The following MPP7 variants were observed in gnomAD, a reference collection of about 807,000 sequenced individuals.
MPP7 encodes MAGUK p55 subfamily member 7.
In MPP7, 60 loss-of-function variants were observed where a neutral mutation model predicts 76.5. That is an observed-to-expected ratio of 0.78 (90% confidence interval 0.64 to 0.97). The LOEUF (loss-of-function observed/expected upper bound fraction) is 0.97, where lower values mean the gene tolerates loss of function less well. MPP7 is among the 50% of genes least tolerant of loss of function. The pLI, the probability that MPP7 is intolerant of heterozygous loss-of-function variation, is 0.00. For missense variants in MPP7, 641 were observed against 694.0 expected (o/e 0.92, Z 0.86); for synonymous variants, 237 against 244.5 (o/e 0.97, Z 0.29).
chr10:28,202,431 C>T (rs1211200333), intron 2 of MPP7, among the ~76,000 whole-genome samples, 160 bp from the exon 3 acceptor site: 1 of 152,178 alleles, frequency 6.6e-6, no homozygotes, highest in African/African-American at 2.4e-5. Flanking sequence ...GGGGAATTTT[C>T]TGGCTTTTAA....
chr10:28,065,684 GA>G (rs1851964016), intron 13 of MPP7, among the ~76,000 whole-genome samples: 1 of 151,978 alleles, frequency 6.6e-6, no homozygotes, highest in Non-Finnish European at 1.5e-5. Flanking sequence ...GGGAGATACG[GA>G]AAAAAAGTTT....
rs1835195773 is a variant in MPP7, at chr10:28,131,641, C to T, written c.366G>A (p.Val122=). 1.2e-6 allele frequency: 2 copies of T among 1,605,434 alleles called. No individual in the cohort carries two copies. Among genetic ancestry groups the T allele is most frequent in the Admixed American group, 1.7e-5 (1 of 59,792 alleles). Reference sequence around the variant, plus strand: ...CAATATCTTCAGGCATAGGAGGCAACACTGGGTCGTAATTCTTCTGAGCCA... The same window carrying T: ...CAATATCTTCAGGCATAGGAGGCAATACTGGGTCGTAATTCTTCTGAGCCA... The part of the protein sequence containing the change: ...DTVAQKNYDP[V]LPPMPEDIDD... Residue 122 remains valine (V), a synonymous_variant, in exon 6 of 17, where the codon GTG becomes GTA. Coordinates refer to ENST00000683449, the MANE Select transcript of MPP7 (RefSeq NM_001318170.2).
chr10:28,089,171 C>T (rs1232266393), intron 12 of MPP7, among the ~76,000 whole-genome samples: 1 of 152,142 alleles, frequency 6.6e-6, no homozygotes, highest in East Asian at 1.9e-4. Flanking sequence ...CCCTGGCCTC[C>T]CAAAGTGCTG....
At chr10:28,265,730 T>C (rs1163293647) in intron 1 of MPP7, among the ~76,000 whole-genome samples, 2 of 152,238 alleles carry the variant, frequency 1.3e-5, no homozygotes, top group African/African-American at 4.8e-5. Flanking sequence ...TTTTTAACTT[T>C]ATCGAGTTAA....
intron 10 of MPP7, 112 bp from the exon 11 acceptor site, chr10:28,119,827 A>C (rs11006883): frequency 0.11 from 87,482 of 773,114 alleles, 8,819 homozygotes; most frequent in East Asian, 0.45. Flanking sequence ...GAAAAAAATG[A>C]ATGTAATGCA....
At chr10:28,136,572 T>C (rs192114839) in intron 5 of MPP7, among the ~76,000 whole-genome samples, 1 of 152,094 alleles carries the variant, frequency 6.6e-6, no homozygotes, top group Non-Finnish European at 1.5e-5. Context: ...ATTACACAGA[T>C]AGCAGACAAG....
chr10:28,153,571 A>G (rs1835953738), intron 3 of MPP7, among the ~76,000 whole-genome samples: 1 of 152,188 alleles, frequency 6.6e-6, no homozygotes, highest in Non-Finnish European at 1.5e-5. Flanking sequence ...ATCAGTAAAA[A>G]TAAAAATAAT....
rs188415721 is a variant in MPP7 at position 28,275,467 on chromosome 10, C to A, written c.-132+27394G>T. Among the ~76,000 whole-genome samples, 121 of 150,366 alleles carry A rather than the reference C, an allele frequency of 8.0e-4. 1 individual carries two copies. The highest frequency in any genetic ancestry group is 2.9e-3 in the African/African-American group (117 of 40,760). Reference sequence around the variant, plus strand: ...TGTCACCCAGGCTGGAGTGCAATGGCGCAATCTCCGTTCACTGCAACCTCC... The same window carrying A: ...TGTCACCCAGGCTGGAGTGCAATGGAGCAATCTCCGTTCACTGCAACCTCC... On this transcript the variant is annotated intron_variant, in intron 1 of 16. Transcript: ENST00000683449.
At chr10:28,226,185 T>C (rs1224289023) in intron 2 of MPP7, among the ~76,000 whole-genome samples, 2 of 151,698 alleles carry the variant, frequency 1.3e-5, no homozygotes, top group Non-Finnish European at 2.9e-5. Context: ...ATATCTAAAA[T>C]AGACAAATTC....
intron 12 of MPP7, among the ~76,000 whole-genome samples, chr10:28,073,657 C>T (rs1357888047): frequency 1.3e-5 from 2 of 152,050 alleles, no homozygotes; most frequent in Non-Finnish European, 2.9e-5. Context: ...GTAGTCCCAG[C>T]TACTTGGGAG....
At chr10:28,156,819 C>T (rs1276575779) in intron 3 of MPP7, among the ~76,000 whole-genome samples, 1 of 152,114 alleles carries the variant, frequency 6.6e-6, no homozygotes, top group Non-Finnish European at 1.5e-5. Context: ...CTCTAGCTGC[C>T]CTGTTCCCAA....
intron 2 of MPP7, among the ~76,000 whole-genome samples, chr10:28,208,051 C>T (rs966885608): frequency 6.6e-6 from 1 of 152,132 alleles, no homozygotes; most frequent in African/African-American, 2.4e-5. Flanking sequence ...TCAGAGAGAA[C>T]TCTAAAGAAT....
At chr10:28,081,023 A>T (rs1852736162) in intron 12 of MPP7, among the ~76,000 whole-genome samples, 1 of 152,236 alleles carries the variant, frequency 6.6e-6, no homozygotes, top group South Asian at 2.1e-4. Flanking sequence ...ACAGTCTTAT[A>T]ATAAATGCCT....
At position 28,298,707 on chromosome 10, in the gene MPP7, T is replaced by C. The variant is rs115411150; in HGVS notation, c.-132+4154A>G. Among the ~76,000 whole-genome samples the C allele has an allele frequency of 1.8e-3, 275 of 152,346 alleles. 1 individual carries two copies. Among genetic ancestry groups the C allele is most frequent in the African/African-American group, 6.4e-3 (264 of 41,570 alleles). On this transcript the variant is annotated intron_variant, in intron 1 of 16. Coordinates refer to ENST00000683449, the MANE Select transcript of MPP7 (RefSeq NM_001318170.2). ...GGTGAAGCACTGACTTCCTTCTAGC[T>C]AAGAAAGTCCGAGACGGCATCTTCT... is the stretch of plus-strand genomic sequence containing the variant.
At position 28,161,588 on chromosome 10, in the gene MPP7, G is replaced by A. The variant is rs773504145; in HGVS notation, c.157-11529C>T. ...TTGCATGTAAGAATACGGTCCCTAG[G>A]TGGAGAGAGGAAATTCAGACCGAAG... is the stretch of plus-strand genomic sequence containing the variant. On this transcript the variant is annotated intron_variant, in intron 3 of 16. Transcript: ENST00000683449. Among the ~76,000 whole-genome samples, 15 of 152,118 alleles carry A rather than the reference G, an allele frequency of 9.9e-5. 1 individual carries two copies. Among genetic ancestry groups the A allele is most frequent in the Non-Finnish European group, 1.6e-4 (11 of 68,026 alleles).
At chr10:28,276,817 T>G (rs1001609844) in intron 1 of MPP7, among the ~76,000 whole-genome samples, 1 of 152,056 alleles carries the variant, frequency 6.6e-6, no homozygotes, top group Non-Finnish European at 1.5e-5. Flanking sequence ...GGTAAAGGGA[T>G]TAAGACTTGA....
chr10:28,160,113 G>A (rs1326458474), intron 3 of MPP7, among the ~76,000 whole-genome samples: 25 of 142,718 alleles, frequency 1.8e-4, no homozygotes, highest in African/African-American at 1.8e-4. Context: ...TTGATCATTA[G>A]AAAAAAAAAA....
chr10:28,289,605 G>A (rs529577782), intron 1 of MPP7, among the ~76,000 whole-genome samples: 8 of 152,318 alleles, frequency 5.3e-5, no homozygotes, highest in South Asian at 4.1e-4. Context: ...TGTCTAAGGT[G>A]AGTGGGCCAC....
At chr10:28,167,314 A>AAAAAC (rs1205241324) in intron 3 of MPP7, among the ~76,000 whole-genome samples, 2 of 137,972 alleles carry the variant, frequency 1.4e-5, no homozygotes, top group African/African-American at 5.4e-5. Context: ...CTGCCTCAAA[A>AAAAAC]AAACAAACAA....
Sources: gnomAD v4.1 joint callset for allele counts (sites outside exome capture counted in the v4.1 genomes callset) on GRCh38, gnomAD v4.1.1 for gene constraint, MANE v1.5 for transcripts, NCBI Gene and HGNC (gene_info 2026-07-23, HGNC 2026-07-21) for gene names.